Variants in FUCA2 observed in about 807,000 individuals in gnomAD.
The protein encoded by FUCA2 is alpha-L-fucosidase 2.
Under a neutral mutation model 52.6 loss-of-function variants are expected in FUCA2, and 41 were observed. That is an observed-to-expected ratio of 0.78 (90% confidence interval 0.61 to 1.01). The LOEUF is 1.01. FUCA2 is among the 50% of genes least tolerant of loss of function. The pLI, the probability that FUCA2 is intolerant of heterozygous loss-of-function variation, is 0.00. For missense variants in FUCA2, 507 were observed against 569.5 expected (o/e 0.89, Z 1.12); for synonymous variants, 211 against 217.3 (o/e 0.97, Z 0.26).
rs1048666934 is a variant in FUCA2, at chr6:143,501,110, C to T, written c.1154+822G>A. On this transcript the variant is annotated intron_variant, in intron 5 of 6. Transcript: ENST00000002165. The surrounding 1 kb of genome is among the most constrained non-coding windows in gnomAD (Gnocchi z 6.1). Reference sequence around the variant, plus strand: ...AGAAGCAAATTCCAAAACCAGATTTCTACTATTCTCTGTCACATGAGAGAT... The same window carrying T: ...AGAAGCAAATTCCAAAACCAGATTTTTACTATTCTCTGTCACATGAGAGAT... Among the ~76,000 whole-genome samples the T allele has an allele frequency of 2.6e-5, 4 of 152,150 alleles. No homozygotes were observed. The highest frequency in any genetic ancestry group is 9.7e-5 in the African/African-American group (4 of 41,446).
Position 143,502,190 on chromosome 6 carries a change from C to T in FUCA2, c.964-68G>A. ...CCATCTTTAATGTGCTAATATGTTG[C>T]ATTTATATATTTATACATGTATATA... is the stretch of plus-strand genomic sequence containing the variant. On this transcript the variant is annotated intron_variant, in intron 4 of 6. Coordinates refer to ENST00000002165, the MANE Select transcript of FUCA2 (RefSeq NM_032020.5). The surrounding 1 kb of genome is among the most constrained non-coding windows in gnomAD (Gnocchi z 4.1). The T allele has an allele frequency of 7.3e-7, 1 of 1,376,240 alleles. No homozygotes were observed. 85.3% of individuals were successfully genotyped at this position (1,376,240 alleles called of 1,614,324 possible).
At position 143,497,054 on chromosome 6, in the gene FUCA2, G is replaced by C; in HGVS notation, c.1263+335C>G. The C allele has an allele frequency of 5.1e-6, 1 of 194,300 alleles. No homozygotes were observed. The highest frequency in any genetic ancestry group is 1.1e-4 in the South Asian group (1 of 9,130). 12.0% of individuals were successfully genotyped at this position (194,300 alleles called of 1,614,324 possible). On this transcript the variant is annotated intron_variant, in intron 6 of 6. Transcript: ENST00000002165. The surrounding 1 kb of genome is among the most constrained non-coding windows in gnomAD (Gnocchi z 5.3). ...AGCTTACTGTAGTCTTGACCTACTGGGCTCAAGCAATCCTCCTGCCTCAGC... is the reference window on the plus strand; with the variant it reads ...AGCTTACTGTAGTCTTGACCTACTGCGCTCAAGCAATCCTCCTGCCTCAGC...
Position 143,501,710 on chromosome 6 carries a change from A to T in FUCA2, c.1154+222T>A, listed in dbSNP as rs1385454465. ...GCCAAAATTTGTCCACTACTGGGAG[A>T]TACCTAGAAATGATGTAAGCTCAAT... On this transcript the variant is annotated intron_variant, in intron 5 of 6. Coordinates refer to ENST00000002165, the MANE Select transcript of FUCA2 (RefSeq NM_032020.5). The surrounding 1 kb of genome is among the most constrained non-coding windows in gnomAD (Gnocchi z 6.1). Among the ~76,000 whole-genome samples the T allele has an allele frequency of 6.6e-6, 1 of 152,242 alleles. No homozygotes were observed. The highest frequency in any genetic ancestry group is 1.9e-4 in the East Asian group (1 of 5,204).
At position 143,507,326 on chromosome 6, in the gene FUCA2, G is replaced by GT; in HGVS notation, c.322dup (p.Thr108AsnfsTer6). 6.2e-7 allele frequency: 1 copy of GT among 1,609,894 alleles called. No homozygotes were observed. The highest frequency in any genetic ancestry group is 2.2e-5 in the East Asian group (1 of 44,738). ...CTGGTTGGCATTAAAAAATTTTGCT[G>GT]TAAATAGTGGTCCAAAATCTTCATA... On this transcript the variant is annotated frameshift_variant, in exon 2 of 7. Coordinates refer to ENST00000002165, the MANE Select transcript of FUCA2 (RefSeq NM_032020.5). LOFTEE classifies it high-confidence loss of function. The surrounding 1 kb of genome is among the most constrained non-coding windows in gnomAD (Gnocchi z 4.5).
At chr6:143,506,054 T>G (rs1202076911) in intron 2 of FUCA2, 1 of 152,176 alleles carries the variant, frequency 6.6e-6, no homozygotes, top group Non-Finnish European at 1.5e-5. Context: ...AGGATAAATA[T>G]CTACAGGAGA....
At chr6:143,498,170 CAA>C (rs5880564) in intron 5 of FUCA2, among the ~76,000 whole-genome samples, 1 of 148,334 alleles carries the variant, frequency 6.7e-6, no homozygotes, top group Non-Finnish European at 1.5e-5. Flanking sequence ...ATGCTGTGGA[CAA>C]AAAAAAAAGT....
In FUCA2 at chr6:143,504,132, C is replaced by T. The variant is rs746340828; in HGVS notation, c.533G>A (p.Gly178Glu). The change falls in exon 3 of 7, where the codon GGA (glycine) becomes GAA (glutamate). Residue 178 changes from glycine to glutamate, a missense_variant. Gly to Glu is a moderately conservative substitution (Grantham distance 98). Coordinates refer to ENST00000002165, the MANE Select transcript of FUCA2 (RefSeq NM_032020.5). The surrounding 1 kb of genome is among the most constrained non-coding windows in gnomAD (Gnocchi z 4.4). ...CCATTCAAAAAGGGAATAGTACAGT[C>T]CAAAACGCAGGTCAGTTCTGTTCCT... ...AIRNRTDLRF[G>E]LYYSLFEWFH... The T allele has an allele frequency of 6.2e-7, 1 of 1,614,112 alleles. No homozygotes were observed. The highest frequency in any genetic ancestry group is 1.7e-5 in the Admixed American group (1 of 60,008).
At position 143,511,397 on chromosome 6, in the gene FUCA2, G is replaced by C. The variant is rs754813697; in HGVS notation, c.224+14C>G. The C allele has an allele frequency of 6.3e-7, 1 of 1,591,888 alleles. No individual in the cohort carries two copies. The highest frequency in any genetic ancestry group is 8.6e-7 in the Non-Finnish European group (1 of 1,166,202). On this transcript the variant is annotated intron_variant, in intron 1 of 6. Coordinates refer to ENST00000002165, the MANE Select transcript of FUCA2 (RefSeq NM_032020.5). The surrounding 1 kb of genome is among the most constrained non-coding windows in gnomAD (Gnocchi z 6.3). ...CAAAAGCGCGGCAGACGAGACAAAAGGGAGCGCACTCACCAGAACCACTCG... is the reference window on the plus strand; with the variant it reads ...CAAAAGCGCGGCAGACGAGACAAAACGGAGCGCACTCACCAGAACCACTCG...
Position 143,497,565 on chromosome 6 carries a change from T to C in FUCA2, c.1155-68A>G. On this transcript the variant is annotated intron_variant, in intron 5 of 6. Transcript: ENST00000002165. This position sits in a 1 kb window ranked among gnomAD's most constrained non-coding sequence, Gnocchi z 5.3. ...TCCCATGTTTCTCACTATTTATGGA[T>C]CAGGAACAATCTGGAATTATTTTAC... The C allele has an allele frequency of 1.3e-6, 1 of 784,356 alleles. No individual in the cohort carries two copies. Among genetic ancestry groups the C allele is most frequent in the Non-Finnish European group, 2.1e-6 (1 of 477,030 alleles). 48.6% of individuals were successfully genotyped at this position (784,356 alleles called of 1,614,324 possible). A position where few individuals can be genotyped will look rare whatever the true frequency, so the allele number is the denominator to read the frequency against.
rs1780671204 is a variant in FUCA2 at position 143,510,702 on chromosome 6, T to C, written c.224+709A>G. On this transcript the variant is annotated intron_variant, in intron 1 of 6. Transcript: ENST00000002165. This position sits in a 1 kb window ranked among gnomAD's most constrained non-coding sequence, Gnocchi z 4.4. ...TATATATGCACACAAAATATTTCTG[T>C]TTTGAAGGACTTAATACTTGTAGCA... 6.6e-6 allele frequency among the ~76,000 whole-genome samples: 1 copy of C among 151,950 alleles called. No individual in the cohort carries two copies. The highest frequency in any genetic ancestry group is 2.4e-5 in the African/African-American group (1 of 41,258).
intron 5 of FUCA2, among the ~76,000 whole-genome samples, chr6:143,498,733 A>G (rs1410225565): frequency 6.6e-6 from 1 of 152,182 alleles, no homozygotes; most frequent in Non-Finnish European, 1.5e-5. Context: ...CATTGGAGAA[A>G]TGTGACCATG....
Position 143,495,918 on chromosome 6 carries a change from G to C in FUCA2, c.1264-71C>G. ...TATCTCACCCACTTTCTATTGGGAA[G>C]GAGTGATTAGTAGTTCAAACAAAAT... On this transcript the variant is annotated intron_variant, in intron 6 of 6. Coordinates refer to ENST00000002165, the MANE Select transcript of FUCA2 (RefSeq NM_032020.5). This position sits in a 1 kb window ranked among gnomAD's most constrained non-coding sequence, Gnocchi z 5.2. The C allele has an allele frequency of 1.3e-6, 2 of 1,518,146 alleles. No homozygotes were observed. The highest frequency in any genetic ancestry group is 2.7e-5 in the African/African-American group (2 of 72,894). The allele number at this position is 1,518,146 out of a possible 1,614,324, so 94.0% of individuals were successfully genotyped here. A position where few individuals can be genotyped will look rare whatever the true frequency, so the allele number is the denominator to read the frequency against.
At position 143,501,611 on chromosome 6, in the gene FUCA2, G is replaced by A. The variant is rs554547243; in HGVS notation, c.1154+321C>T. Reference sequence around the variant, plus strand: ...CCGAACTGGTTAAACAGTAATCTCCGTTTTAGACTAACCATTCAGCATTTT... The same window carrying A: ...CCGAACTGGTTAAACAGTAATCTCCATTTTAGACTAACCATTCAGCATTTT... On this transcript the variant is annotated intron_variant, in intron 5 of 6. Coordinates refer to ENST00000002165, the MANE Select transcript of FUCA2 (RefSeq NM_032020.5). This position sits in a 1 kb window ranked among gnomAD's most constrained non-coding sequence, Gnocchi z 6.1. Among the ~76,000 whole-genome samples the A allele has an allele frequency of 2.0e-5, 3 of 152,248 alleles. No homozygotes were observed. Among genetic ancestry groups the A allele is most frequent in the East Asian group, 1.9e-4 (1 of 5,190 alleles).
rs2128421232 is a variant in FUCA2 at position 143,495,476 on chromosome 6, A to G, written c.*231T>C. 2.3e-6 allele frequency: 1 copy of G among 431,318 alleles called. No individual in the cohort carries two copies. The allele number at this position is 431,318 out of a possible 1,614,324, so 26.7% of individuals were successfully genotyped here. ...AAAAATTCTCACCTCTGAGTCACAC[A>G]TGGAAACAAATCAATGTGAAGAGAC... is the stretch of plus-strand genomic sequence containing the variant. On this transcript the variant is annotated 3_prime_UTR_variant, in exon 7 of 7. Coordinates refer to ENST00000002165, the MANE Select transcript of FUCA2 (RefSeq NM_032020.5). This position sits in a 1 kb window ranked among gnomAD's most constrained non-coding sequence, Gnocchi z 5.2.
chr6:143,506,059 A>T, intron 2 of FUCA2: 1 of 152,200 alleles, frequency 6.6e-6, no homozygotes, highest in Non-Finnish European at 1.5e-5. Context: ...AAATATCTAC[A>T]GGAGAAAATC....
chr6:143,504,215 C>T lies in FUCA2; in HGVS notation c.450G>A (p.Trp150Ter). ...TCTTGGGCCCCTCATCTATGGCATT[C>T]CAGTTCCACGAATATTCTGACCCCC... is the stretch of plus-strand genomic sequence containing the variant. ...TLWGSEYSWN[W>*]NAIDEGPKRD... is the part of the protein sequence containing the mutation. The change falls in exon 3 of 7, where the codon TGG (tryptophan) becomes TGA (stop). Residue 150 changes from tryptophan to a stop codon, truncating the protein, a stop_gained. Coordinates refer to ENST00000002165, the MANE Select transcript of FUCA2 (RefSeq NM_032020.5). LOFTEE classifies it high-confidence loss of function. This position sits in a 1 kb window ranked among gnomAD's most constrained non-coding sequence, Gnocchi z 4.4. 6.2e-7 allele frequency: 1 copy of T among 1,614,058 alleles called. No individual in the cohort carries two copies. The highest frequency in any genetic ancestry group is 8.5e-7 in the Non-Finnish European group (1 of 1,179,972).
In FUCA2 at chr6:143,510,905, A is replaced by G. The variant is rs1179137670; in HGVS notation, c.224+506T>C. Reference sequence around the variant, plus strand: ...CTCTTTAAAAAGTTCCTAGAGCCACACATGGGTAACATGTTAACATTAAGT... The same window carrying G: ...CTCTTTAAAAAGTTCCTAGAGCCACGCATGGGTAACATGTTAACATTAAGT... On this transcript the variant is annotated intron_variant, in intron 1 of 6. Transcript: ENST00000002165. This position sits in a 1 kb window ranked among gnomAD's most constrained non-coding sequence, Gnocchi z 4.4. 6.6e-6 allele frequency among the ~76,000 whole-genome samples: 1 copy of G among 152,178 alleles called. No homozygotes were observed. Among genetic ancestry groups the G allele is most frequent in the Non-Finnish European group, 1.5e-5 (1 of 68,040 alleles).
Position 143,502,542 on chromosome 6 carries a change from G to A in FUCA2, c.776C>T (p.Thr259Ile), listed in dbSNP as rs773708500. 1 of 1,613,952 alleles carries A rather than the reference G, an allele frequency of 6.2e-7. No homozygotes were observed. The highest frequency in any genetic ancestry group is 8.5e-7 in the Non-Finnish European group (1 of 1,179,960). ...NESPVRGTVV[T>I]NDRWGAGSIC... is the part of the protein sequence containing the mutation. ...GCTACCAGCTCCCCAACGATCATTG[G>A]TGACTACTGTGCCCCGAACTGGGCT... The change falls in exon 4 of 7, where the codon ACC becomes ATC. Residue 259 changes from threonine (T) to isoleucine (I), a missense_variant. Transcript: ENST00000002165. The surrounding 1 kb of genome is among the most constrained non-coding windows in gnomAD (Gnocchi z 4.1).
At chr6:143,498,812 G>C (rs1424613084) in intron 5 of FUCA2, among the ~76,000 whole-genome samples, 1 of 152,154 alleles carries the variant, frequency 6.6e-6, no homozygotes, top group Non-Finnish European at 1.5e-5. Flanking sequence ...GGTAGAAATA[G>C]AGACCTATTA....
Sources: allele counts gnomAD v4.1 joint callset (sites outside exome capture counted in the v4.1 genomes callset), GRCh38; gene constraint gnomAD v4.1.1; non-coding constraint Gnocchi (gnomAD v3.1); transcripts MANE v1.5; gene names NCBI Gene and HGNC (gene_info 2026-07-23, HGNC 2026-07-21).